Variants in SPRED2 observed in about 807,000 individuals in gnomAD.
SPRED2 encodes the protein sprouty related EVH1 domain containing 2.
SPRED2 carries 47 observed loss-of-function variants against 43.0 expected under a neutral mutation model. The ratio of observed to expected loss-of-function variants is 1.09; its 90% confidence interval spans 0.87 to 1.40. The LOEUF is 1.40. Among genes scored for constraint, SPRED2 ranks in the 40% most tolerant of loss-of-function variants. The pLI, the probability that SPRED2 is intolerant of heterozygous loss-of-function variation, is 0.00. For missense variants in SPRED2, 561 were observed against 586.4 expected (o/e 0.96, Z 0.45); for synonymous variants, 225 against 225.7 (o/e 1.00, Z 0.03).
At chr2:65,351,177 G>GCAGGGAA (rs1184948302) in intron 1 of SPRED2, among the ~76,000 whole-genome samples, 2 of 152,154 alleles carry the variant, frequency 1.3e-5, no homozygotes, top group Non-Finnish European at 2.9e-5. Flanking sequence ...GAAGCTGTCA[G>GCAGGGAA]GCTCTTGACA....
chr2:65,320,950 G>A (rs1322500054), intron 4 of SPRED2, among the ~76,000 whole-genome samples: 3 of 152,192 alleles, frequency 2.0e-5, no homozygotes, highest in African/African-American at 7.2e-5. Context: ...ACATCTCTCT[G>A]TTATTTCTGT....
intron 4 of SPRED2, among the ~76,000 whole-genome samples, chr2:65,331,454 C>T (rs6727281): frequency 0.18 from 28,010 of 152,130 alleles, 2,784 homozygotes; most frequent in African/African-American, 0.22. Flanking sequence ...AGCTAAAAAC[C>T]CTTTCCTGCG....
At chr2:65,349,308 C>CAAAAAAA (rs59019958) in intron 1 of SPRED2, among the ~76,000 whole-genome samples, 28 of 83,676 alleles carry the variant, frequency 3.3e-4, no homozygotes, top group East Asian at 1.7e-3. Flanking sequence ...GACTCTGTCT[C>CAAAAAAA]AAAAAAAAAA....
chr2:65,322,847 T>A (rs1013043508), intron 4 of SPRED2, among the ~76,000 whole-genome samples: 4 of 152,260 alleles, frequency 2.6e-5, no homozygotes, highest in African/African-American at 7.2e-5. Context: ...AGATGATTTT[T>A]CTGTCTACTG....
chr2:65,395,303 G>A (rs1342591098), intron 1 of SPRED2, among the ~76,000 whole-genome samples: 2 of 152,176 alleles, frequency 1.3e-5, no homozygotes, highest in Non-Finnish European at 2.9e-5. Flanking sequence ...AGCTGAATGG[G>A]CAGAGTGTCC....
intron 1 of SPRED2, among the ~76,000 whole-genome samples, chr2:65,398,382 AT>A (rs1458818767): frequency 6.6e-6 from 1 of 152,214 alleles, no homozygotes. Context: ...ACAAAGATAT[AT>A]GGGACTTAAA....
chr2:65,431,829 A>C, intron 1 of SPRED2, 133 bp downstream of exon 1: 1 of 1,118,176 alleles, frequency 8.9e-7, no homozygotes, highest in Middle Eastern at 2.7e-4. Context: ...CTCGCGTCCC[A>C]ACGCCGAAAG....
downstream of SPRED2, chr2:65,308,678 G>A (rs545565040): frequency 2.4e-4 from 137 of 578,336 alleles, no homozygotes; most frequent in Middle Eastern, 4.4e-3. Flanking sequence ...GCCAGCTGAG[G>A]GTAGGTATTA....
chr2:65,314,461 G>C (rs9677459), intron 5 of SPRED2, among the ~76,000 whole-genome samples: 31,972 of 152,118 alleles, frequency 0.21, 3,439 homozygotes, highest in African/African-American at 0.23. Context: ...ATACAGGCAG[G>C]GGAGTGTGCA....
chr2:65,401,255 T>C (rs1484845460), intron 1 of SPRED2, among the ~76,000 whole-genome samples: 2 of 151,724 alleles, frequency 1.3e-5, no homozygotes, highest in African/African-American at 4.8e-5. Flanking sequence ...AGATTACAGG[T>C]GTGAGCCACT....
chr2:65,322,696 TG>T (rs2104156603), intron 4 of SPRED2, among the ~76,000 whole-genome samples: 1 of 152,356 alleles, frequency 6.6e-6, no homozygotes, highest in East Asian at 1.9e-4. Context: ...CTGCTTGTCT[TG>T]AACCTGACTT....
intron 1 of SPRED2, among the ~76,000 whole-genome samples, chr2:65,402,417 G>A (rs1675927469): frequency 6.6e-6 from 1 of 152,062 alleles, no homozygotes; most frequent in African/African-American, 2.4e-5. Flanking sequence ...GGGATGAGAA[G>A]TTCTCTTTTG....
At chr2:65,326,097 T>C (rs1030169033) in intron 4 of SPRED2, among the ~76,000 whole-genome samples, 1 of 152,228 alleles carries the variant, frequency 6.6e-6, no homozygotes, top group Non-Finnish European at 1.5e-5. Flanking sequence ...AGTTATGGAC[T>C]ACATTTGCAT....
chr2:65,350,353 C>T (rs1674473114), intron 1 of SPRED2, among the ~76,000 whole-genome samples: 1 of 152,176 alleles, frequency 6.6e-6, no homozygotes, highest in Admixed American at 6.5e-5. Context: ...AAGAATGCTT[C>T]TGAAATTAAC....
chr2:65,327,914 G>A (rs951434820), intron 4 of SPRED2, among the ~76,000 whole-genome samples: 14 of 151,340 alleles, frequency 9.3e-5, no homozygotes, highest in East Asian at 1.9e-4. Flanking sequence ...AGTAGAGATG[G>A]GGTTTCACCA....
chr2:65,334,732 G>A lies in SPRED2; in HGVS notation c.246C>T (p.Thr82=). 6.2e-7 allele frequency: 1 copy of A among 1,614,168 alleles called. No individual in the cohort carries two copies. Among genetic ancestry groups the A allele is most frequent in the Non-Finnish European group, 8.5e-7 (1 of 1,180,030 alleles). ...AGTGATGAAACGTTGGATTGGCTTT[G>A]GTGTAGACCAAGTCCTTTCTTACAT... The part of the protein sequence containing the change: ...ECYVRKDLVY[T]KANPTFHHWK... Residue 82 remains threonine (T), a synonymous_variant, in exon 3 of 6, where the codon ACC becomes ACT. Transcript: ENST00000356388.
At position 65,432,070 on chromosome 2, in the gene SPRED2, A is replaced by G. The variant is rs1005754977; in HGVS notation, c.-83T>C. ...CTGTCCGCTCGCCCCCCTTCTTCAC[A>G]TCTCCGGAGATCGCCTGATTTGGGG... is the stretch of plus-strand genomic sequence containing the variant. On this transcript the variant is annotated 5_prime_UTR_variant, in exon 1 of 6. The change abolishes an upstream ATG in the 5' untranslated region. Transcript: ENST00000356388. 3.2e-6 allele frequency: 5 copies of G among 1,548,282 alleles called. No homozygotes were observed. In the Admixed American group the frequency reaches 8.6e-5, roughly 26 times the overall value.
Position 65,322,287 on chromosome 2 carries a change from TATATA to T in SPRED2, c.439-5409_439-5405del, listed in dbSNP as rs1442802771. ...CTCTCTCTCTATATATATATATATA[TATATA>T]TATTTTTTTTTTTTTTTTTGAGACG... On this transcript the variant is annotated intron_variant, in intron 4 of 5. Coordinates refer to ENST00000356388, the MANE Select transcript of SPRED2 (RefSeq NM_181784.3). 2.0e-3 allele frequency among the ~76,000 whole-genome samples: 211 copies of T among 103,962 alleles called. 8 individuals are homozygous for T. The highest frequency in any genetic ancestry group is 0.01 in the East Asian group (32 of 3,076). 68.2% of individuals were successfully genotyped at this position (103,962 alleles called of 152,430 possible). A position where few individuals can be genotyped will look rare whatever the true frequency, so the allele number is the denominator to read the frequency against.
chr2:65,413,260 G>C (rs1676201841), intron 1 of SPRED2, among the ~76,000 whole-genome samples: 1 of 152,224 alleles, frequency 6.6e-6, no homozygotes, highest in Non-Finnish European at 1.5e-5. Context: ...ATTAAGGACA[G>C]CATGCATTTT....
Sources: allele counts gnomAD v4.1 joint callset (sites outside exome capture counted in the v4.1 genomes callset), GRCh38; gene constraint gnomAD v4.1.1; transcripts MANE v1.5; gene names NCBI Gene and HGNC (gene_info 2026-07-23, HGNC 2026-07-21).